The following PTPRD variants were observed in gnomAD, a reference collection of about 807,000 sequenced individuals.
The protein encoded by PTPRD is receptor-type tyrosine-protein phosphatase delta.
Under a neutral mutation model 214.5 loss-of-function variants are expected in PTPRD, and 34 were observed. The observed-to-expected ratio is 0.16, with a 90% CI of 0.12 to 0.21. The LOEUF (loss-of-function observed/expected upper bound fraction) is 0.21. Ranked by LOEUF, PTPRD falls within the 10% of genes least tolerant of loss-of-function variation. PTPRD has a pLI of 1.00. For missense variants in PTPRD, 2,545 were observed against 2,398.7 expected (o/e 1.06, Z -1.27); for synonymous variants, 1,128 against 845.7 (o/e 1.33, Z -5.79).
chr9:10,473,032 G>T (rs1251314595), intron 2 of PTPRD, among the ~76,000 whole-genome samples: 4 of 151,896 alleles, frequency 2.6e-5, no homozygotes, highest in Non-Finnish European at 4.4e-5. Context: ...AATACATTAA[G>T]ATTATTTTAA....
intron 3 of PTPRD, among the ~76,000 whole-genome samples, chr9:10,159,174 G>C (rs1278691601): frequency 6.6e-6 from 1 of 151,828 alleles, no homozygotes; most frequent in Non-Finnish European, 1.5e-5. Flanking sequence ...AGGCAAAAAT[G>C]TGGGGAGAAA....
intron 10 of PTPRD, among the ~76,000 whole-genome samples, chr9:9,066,880 T>A (rs988285865): frequency 1.3e-5 from 2 of 152,164 alleles, no homozygotes; most frequent in African/African-American, 4.8e-5. Context: ...GGCCAGAAAT[T>A]CAAGAACTGT....
At chr9:10,446,230 T>G (rs190710676) in intron 2 of PTPRD, among the ~76,000 whole-genome samples, 2 of 152,054 alleles carry the variant, frequency 1.3e-5, no homozygotes, top group Non-Finnish European at 2.9e-5. Context: ...AGCTTTGACT[T>G]AATAATATGT....
intron 9 of PTPRD, among the ~76,000 whole-genome samples, chr9:9,259,906 A>G (rs927461042): frequency 6.6e-6 from 1 of 151,848 alleles, no homozygotes; most frequent in African/African-American, 2.4e-5. Flanking sequence ...TGATGCGAGG[A>G]GGGTTTAAGG....
intron 3 of PTPRD, among the ~76,000 whole-genome samples, chr9:10,097,095 A>G (rs572703102): frequency 6.7e-6 from 1 of 150,088 alleles, no homozygotes; most frequent in South Asian, 2.2e-4. Context: ...CCATTGATCT[A>G]TATCTCTGTT....
intron 9 of PTPRD, among the ~76,000 whole-genome samples, chr9:9,205,442 T>C (rs1249496664): frequency 2.0e-5 from 3 of 152,098 alleles, no homozygotes. Context: ...GTTGCTTAGG[T>C]TTCATGCTCA....
chr9:9,724,484 G>A (rs1419740692), intron 7 of PTPRD, among the ~76,000 whole-genome samples: 1 of 152,066 alleles, frequency 6.6e-6, no homozygotes, highest in Non-Finnish European at 1.5e-5. Flanking sequence ...ATATATTGAG[G>A]TAGTAAGGCT....
intron 11 of PTPRD, among the ~76,000 whole-genome samples, chr9:8,828,812 A>G (rs2097224021): frequency 1.3e-5 from 2 of 152,204 alleles, no homozygotes; most frequent in Admixed American, 1.3e-4. Context: ...AATACTCCCT[A>G]TAAAATTTGT....
At chr9:9,287,011 G>C (rs994161893) in intron 9 of PTPRD, among the ~76,000 whole-genome samples, 7 of 146,732 alleles carry the variant, frequency 4.8e-5, no homozygotes, top group African/African-American at 1.7e-4. Context: ...GATCACTTGA[G>C]GTCAGGAGTT....
At chr9:10,033,403 G>C (rs1444211946) in intron 4 of PTPRD, among the ~76,000 whole-genome samples, 3 of 151,552 alleles carry the variant, frequency 2.0e-5, no homozygotes, top group Admixed American at 6.6e-5. Flanking sequence ...GTGAGCCAAG[G>C]TGTCAATATA....
chr9:8,565,944 A>G (rs550462812), intron 14 of PTPRD, among the ~76,000 whole-genome samples: 1 of 152,184 alleles, frequency 6.6e-6, no homozygotes, highest in Non-Finnish European at 1.5e-5. Flanking sequence ...ATTTTATGAG[A>G]TTTCAGGTAC....
intron 7 of PTPRD, among the ~76,000 whole-genome samples, chr9:9,706,551 T>C (rs976125891): frequency 2.0e-5 from 3 of 152,058 alleles, no homozygotes; most frequent in African/African-American, 7.2e-5. Flanking sequence ...GCAATTCTCC[T>C]GCTTCAGCCT....
chr9:9,180,164 A>T (rs2099927351), intron 10 of PTPRD, among the ~76,000 whole-genome samples: 2 of 151,628 alleles, frequency 1.3e-5, no homozygotes, highest in Non-Finnish European at 2.9e-5. Context: ...TTATTGCGGC[A>T]CTATTCACAA....
intron 9 of PTPRD, among the ~76,000 whole-genome samples, chr9:9,202,955 T>C (rs1311196569): frequency 2.6e-5 from 4 of 152,220 alleles, no homozygotes; most frequent in Non-Finnish European, 4.4e-5. Flanking sequence ...GCACTCCTAA[T>C]ACATCACCTT....
chr9:8,340,586 A>C (rs1851552892), intron 41 of PTPRD, 117 bp from the exon 42 acceptor site: 1 of 983,186 alleles, frequency 1.0e-6, no homozygotes. Context: ...TATTAATGCA[A>C]TTGAGGTAAA....
At chr9:9,119,309 CA>C (rs2099815352) in intron 10 of PTPRD, among the ~76,000 whole-genome samples, 1 of 151,926 alleles carries the variant, frequency 6.6e-6, no homozygotes, top group Non-Finnish European at 1.5e-5. Flanking sequence ...TTAACAATAA[CA>C]AAAAAATGAG....
chr9:9,318,967 A>G (rs939305808), intron 9 of PTPRD, among the ~76,000 whole-genome samples: 15 of 152,232 alleles, frequency 9.9e-5, no homozygotes, highest in African/African-American at 3.6e-4. Context: ...CAGTGCCTTC[A>G]TTATGAACTA....
At chr9:9,994,522 T>G (rs1422995057) in intron 4 of PTPRD, among the ~76,000 whole-genome samples, 3 of 152,048 alleles carry the variant, frequency 2.0e-5, no homozygotes, top group African/African-American at 7.2e-5. Context: ...AATGACTGTT[T>G]TGAACTCAGC....
chr9:8,976,958 T>C (rs1184608097), intron 11 of PTPRD, among the ~76,000 whole-genome samples: 1 of 152,092 alleles, frequency 6.6e-6, no homozygotes, highest in African/African-American at 2.4e-5. Context: ...ATTTGTCTGT[T>C]GGACATTTCT....
Sources: gnomAD v4.1 joint callset for allele counts (sites outside exome capture counted in the v4.1 genomes callset) on GRCh38, gnomAD v4.1.1 for gene constraint, MANE v1.5 for transcripts, NCBI Gene and HGNC (gene_info 2026-07-23, HGNC 2026-07-21) for gene names.